Variants in MOV10 observed in about 807,000 individuals in gnomAD.
The protein encoded by MOV10 is RNA helicase MOV-10.
MOV10 carries 39 observed loss-of-function variants against 108.4 expected under a neutral mutation model. That is an observed-to-expected ratio of 0.36 (90% CI 0.28 to 0.47). MOV10 has a LOEUF of 0.47. Ranked by LOEUF, MOV10 falls within the 20% of genes least tolerant of loss-of-function variation. MOV10 has a pLI of 1.00. For missense variants in MOV10, 952 were observed against 1,297.6 expected (o/e 0.73, Z 4.09); for synonymous variants, 490 against 523.1 (o/e 0.94, Z 0.86).
At position 112,699,753 on chromosome 1, in the gene MOV10, C is replaced by T. The variant is rs1325165961; in HGVS notation, c.2652C>T (p.Ser884=). ...SVILISTVRS[S]QSFVQLDLDF... Reference sequence around the variant, plus strand: ...TCCTCATCTCCACCGTGCGAAGCAGCCAGAGCTTTGTGCAGCTGGATCTGG... The same window carrying T: ...TCCTCATCTCCACCGTGCGAAGCAGTCAGAGCTTTGTGCAGCTGGATCTGG... Residue 884 remains serine (S), a synonymous_variant, in exon 18 of 21, where the codon AGC becomes AGT. Transcript: ENST00000369645. 5.6e-6 allele frequency: 9 copies of T among 1,614,108 alleles called. No individual in the cohort carries two copies. The highest frequency in any genetic ancestry group is 1.3e-5 in the African/African-American group (1 of 74,934).
chr1:112,697,424 C>T (rs1172406266), intron 14 of MOV10, among the ~76,000 whole-genome samples: 1 of 152,060 alleles, frequency 6.6e-6, no homozygotes, highest in African/African-American at 2.4e-5. Flanking sequence ...GAGCTGAGAT[C>T]GCGCTACTGC....
intron 2 of MOV10, chr1:112,688,399 A>G (rs1377585867): frequency 1.0e-5 from 10 of 996,066 alleles, no homozygotes; most frequent in Non-Finnish European, 1.2e-5. Flanking sequence ...CCTGCACCCT[A>G]TGACTTCGGG....
Position 112,692,947 on chromosome 1 carries a change from G to C in MOV10, c.1140+18G>C, listed in dbSNP as rs770091217. On this transcript the variant is annotated intron_variant, in intron 7 of 20. Transcript: ENST00000369645. ...CGCTGGAGGTCAGGGCTCAGATTGAGTGTGAGGAGGGTGGGCTCAAGCCAG... is the reference window on the plus strand; with the variant it reads ...CGCTGGAGGTCAGGGCTCAGATTGACTGTGAGGAGGGTGGGCTCAAGCCAG... The C allele has an allele frequency of 6.3e-7, 1 of 1,596,310 alleles. No homozygotes were observed. Among genetic ancestry groups the C allele is most frequent in the Non-Finnish European group, 8.5e-7 (1 of 1,171,688 alleles).
Position 112,697,955 on chromosome 1 carries a change from C to A in MOV10, c.2199-39C>A, listed in dbSNP as rs72701116. ...GGAGCCCCTGTAGGGCAGAGGGAAT[C>A]TGACCCTTGGTCTTGCTTTTCCTCC... On this transcript the variant is annotated intron_variant, in intron 14 of 20. Coordinates refer to ENST00000369645, the MANE Select transcript of MOV10 (RefSeq NM_001321324.2). 14,143 of 1,559,162 alleles carry A rather than the reference C, an allele frequency of 9.1e-3. 78 individuals carry two copies. Among genetic ancestry groups the A allele is most frequent in the Non-Finnish European group, 0.011 (12,066 of 1,130,110 alleles).
At chr1:112,695,669 G>T in intron 11 of MOV10, 95 bp downstream of exon 11, 1 of 1,358,102 alleles carries the variant, frequency 7.4e-7, no homozygotes. Context: ...CCTGGATTCT[G>T]ATACTTGCTA....
At chr1:112,681,395 G>A (rs1484080765) in intron 2 of MOV10, among the ~76,000 whole-genome samples, 3 of 152,074 alleles carry the variant, frequency 2.0e-5, no homozygotes, top group African/African-American at 7.3e-5. Context: ...TCGGGAGGCT[G>A]AGGCAGGAGA....
Position 112,696,071 on chromosome 1 carries a change from G to T in MOV10, c.1780-77G>T, listed in dbSNP as rs189373915. The T allele has an allele frequency of 8.2e-4, 776 of 947,000 alleles. 5 individuals carry two copies. In the East Asian group the frequency reaches 0.015, roughly 19 times the overall value. The allele number at this position is 947,000 out of a possible 1,614,324, so 58.7% of individuals were successfully genotyped here. On this transcript the variant is annotated intron_variant, in intron 11 of 20. Transcript: ENST00000369645. ...AAAAAATAAAAATAATTGTTTGAGGGGGGGTACCCACAGCCAGAATCACGG... is the reference window on the plus strand; with the variant it reads ...AAAAAATAAAAATAATTGTTTGAGGTGGGGTACCCACAGCCAGAATCACGG...
intron 7 of MOV10, 33 bp from the exon 8 acceptor site, chr1:112,693,985 G>T: frequency 1.2e-6 from 2 of 1,612,196 alleles, no homozygotes; most frequent in Non-Finnish European, 1.7e-6. Context: ...TCCATCCCTG[G>T]GACAGAAGCT....
rs768155109 is a variant in MOV10 at position 112,698,802 on chromosome 1, T to TCCA, written c.2583+15_2583+17dup. The TCCA allele has an allele frequency of 1.8e-4, 285 of 1,611,016 alleles. No individual in the cohort carries two copies. The highest frequency in any genetic ancestry group is 2.4e-4 in the Non-Finnish European group (277 of 1,177,284). ...CAAGGACTTGAAGGTGACATGCTGT[T>TCCA]CCACAGTCACTCCCTGCCTTCCGTG... On this transcript the variant is annotated intron_variant, in intron 17 of 20. Transcript: ENST00000369645.
Position 112,696,259 on chromosome 1 carries a change from G to T in MOV10, c.1883+8G>T, listed in dbSNP as rs370095440. The T allele has an allele frequency of 3.8e-6, 6 of 1,560,234 alleles. No individual in the cohort carries two copies. The African/African-American group carries it at 5.4e-5, about 14-fold the overall frequency. On this transcript the variant is annotated splice_region_variant and intron_variant, in intron 12 of 20. Coordinates refer to ENST00000369645, the MANE Select transcript of MOV10 (RefSeq NM_001321324.2). ...CCTCATCACTGCCGGCAGGTGGGGA[G>T]TGTGTGTGGGTGTGTCTCTGAATCG...
In MOV10 at chr1:112,689,612, A is replaced by G. The variant is rs773003438; in HGVS notation, c.539A>G (p.Tyr180Cys). 3.2e-5 allele frequency: 52 copies of G among 1,614,046 alleles called. No individual in the cohort carries two copies. In the South Asian group the frequency reaches 5.6e-4, roughly 17 times the overall value. Residue 180 changes from tyrosine to cysteine, a missense_variant, in exon 4 of 21, where the codon TAC becomes TGC. Around this residue, in one of 5 missense-constraint regions of MOV10, gnomAD observed 374 missense variants for 468.6 expected, o/e 0.80. Transcript: ENST00000369645. ...TGCCGGACACCCCAGTTTGCTTTCT[A>G]CAATGAAGACCAGGAGTTGCCCTGT... ...PLCRTPQFAF[Y>C]NEDQELPCPL...
At chr1:112,685,878 C>G (rs1015301255) in intron 2 of MOV10, among the ~76,000 whole-genome samples, 9 of 152,118 alleles carry the variant, frequency 5.9e-5, no homozygotes, top group African/African-American at 2.2e-4. Flanking sequence ...GGGATAGCAT[C>G]TGCAGTAGAA....
At position 112,675,396 on chromosome 1, in the gene MOV10, G is replaced by GGGGAGCCTCCAGAGGGGGCCCAGGCATC. The variant is rs1672114168; in HGVS notation, c.137+349_137+376dup. Among the ~76,000 whole-genome samples, 1 of 152,168 alleles carries GGGGAGCCTCCAGAGGGGGCCCAGGCATC rather than the reference G, an allele frequency of 6.6e-6. No individual in the cohort carries two copies. The highest frequency in any genetic ancestry group is 6.5e-5 in the Admixed American group (1 of 15,288). On this transcript the variant is annotated intron_variant, in intron 2 of 20. Transcript: ENST00000369645. This position sits in a 1 kb window ranked among gnomAD's most constrained non-coding sequence, Gnocchi z 4.7. ...GAGGGACAGCGCTCGCGGTGGGGGA[G>GGGGAGCCTCCAGAGGGGGCCCAGGCATC]GGGAGCCTCCAGAGGGGGCCCAGGC...
chr1:112,689,389 C>T lies in MOV10; in HGVS notation c.342-26C>T, dbSNP rs747148132. ...CCAGTCAGACCGCTCCCACCCCAAC[C>T]CCCCCTTGACTCCCCTTCTCCCCAG... On this transcript the variant is annotated intron_variant, in intron 3 of 20. Coordinates refer to ENST00000369645, the MANE Select transcript of MOV10 (RefSeq NM_001321324.2). 3.1e-6 allele frequency: 4 copies of T among 1,288,948 alleles called. No individual in the cohort carries two copies. In the Admixed American group the frequency reaches 5.0e-5, roughly 16 times the overall value. The allele number at this position is 1,288,948 out of a possible 1,614,324, so 79.8% of individuals were successfully genotyped here. A position where few individuals can be genotyped will look rare whatever the true frequency, so the allele number is the denominator to read the frequency against.
intron 20 of MOV10, 28 bp downstream of exon 20, chr1:112,700,368 G>A (rs1296964052): frequency 1.2e-6 from 2 of 1,614,048 alleles, no homozygotes; most frequent in African/African-American, 2.7e-5. Flanking sequence ...TGGGGACAGT[G>A]CCAGAGGAGG....
At chr1:112,677,520 G>T (rs1054189750) in intron 2 of MOV10, among the ~76,000 whole-genome samples, 1 of 152,008 alleles carries the variant, frequency 6.6e-6, no homozygotes, top group African/African-American at 2.4e-5. Context: ...GGTATAGCCT[G>T]GTATTATGGT....
chr1:112,696,337 G>A (rs747726277), intron 12 of MOV10, 86 bp downstream of exon 12: 28 of 1,421,488 alleles, frequency 2.0e-5, no homozygotes, highest in South Asian at 4.6e-5. Flanking sequence ...AATGGTTTCC[G>A]GAGTGGGGTG....
Position 112,694,485 on chromosome 1 carries a change from T to C in MOV10, c.1328T>C (p.Phe443Ser). Reference sequence around the variant, plus strand: ...AGCCGCTTTGTGGATGGGCTGACCTTCAAGGTGAACTTTACCTTCAACCGC... The same window carrying C: ...AGCCGCTTTGTGGATGGGCTGACCTCCAAGGTGAACTTTACCTTCAACCGC... The part of the protein sequence containing the change: ...LLSRFVDGLT[F>S]KVNFTFNRQP... The change falls in exon 9 of 21, where the codon TTC (phenylalanine) becomes TCC (serine). Residue 443 changes from phenylalanine to serine, a missense_variant. Phe to Ser is a radical substitution (Grantham distance 155). Around this residue, in one of 5 missense-constraint regions of MOV10, gnomAD observed 453 missense variants for 611.5 expected, o/e 0.74. Coordinates refer to ENST00000369645, the MANE Select transcript of MOV10 (RefSeq NM_001321324.2). This position sits in a 1 kb window ranked among gnomAD's most constrained non-coding sequence, Gnocchi z 4.1. 6.2e-7 allele frequency: 1 copy of C among 1,614,104 alleles called. No homozygotes were observed.
At chr1:112,696,309 G>A in intron 12 of MOV10, 58 bp downstream of exon 12, 1 of 1,467,422 alleles carries the variant, frequency 6.8e-7, no homozygotes, top group South Asian at 1.1e-5. Flanking sequence ...GGGGTACCGG[G>A]CTGGGGAAAT....
Sources: allele counts gnomAD v4.1 joint callset (sites outside exome capture counted in the v4.1 genomes callset), GRCh38; gene constraint gnomAD v4.1.1; regional missense constraint gnomAD v4.1.1; non-coding constraint Gnocchi (gnomAD v3.1); transcripts MANE v1.5; gene names NCBI Gene and HGNC (gene_info 2026-07-23, HGNC 2026-07-21).